DPY19L3: variants seen among roughly 807,000 people sequenced by gnomAD.
The protein encoded by DPY19L3 is dpy-19 like C-mannosyltransferase 3.
In DPY19L3, 51 loss-of-function variants were observed where a neutral mutation model predicts 92.3. The observed-to-expected ratio is 0.55, with a 90% CI of 0.44 to 0.70. The LOEUF (loss-of-function observed/expected upper bound fraction) is 0.70. DPY19L3 is among the 30% of genes least tolerant of loss of function. DPY19L3 has a pLI of 0.00. For missense variants in DPY19L3, 706 were observed against 855.9 expected (o/e 0.82, Z 2.18); for synonymous variants, 309 against 315.2 (o/e 0.98, Z 0.21).
chr19:32,467,508 A>G, intron 15 of DPY19L3: 2 of 987,650 alleles, frequency 2.0e-6, no homozygotes, highest in Non-Finnish European at 2.4e-6. Flanking sequence ...TCCCATCACT[A>G]GCAATTTTCC....
intron 8 of DPY19L3, among the ~76,000 whole-genome samples, chr19:32,442,531 T>A (rs766134337): frequency 3.3e-5 from 5 of 151,890 alleles, no homozygotes; most frequent in Non-Finnish European, 5.9e-5. Context: ...TAAGAGGAAT[T>A]TGAGAGGTAG....
intron 18 of DPY19L3, chr19:32,481,495 G>C (rs970286682): frequency 8.5e-5 from 13 of 152,148 alleles, no homozygotes; most frequent in African/African-American, 3.1e-4. Flanking sequence ...GCTTACTGCA[G>C]CCTCAACCTT....
chr19:32,449,163 A>G (rs2145546177), intron 8 of DPY19L3, among the ~76,000 whole-genome samples: 1 of 152,352 alleles, frequency 6.6e-6, no homozygotes, highest in Admixed American at 6.5e-5. Context: ...AAGGATACAA[A>G]CACTTCCTAG....
chr19:32,479,902 C>T (rs1375396246), intron 17 of DPY19L3, among the ~76,000 whole-genome samples: 1 of 152,190 alleles, frequency 6.6e-6, no homozygotes, highest in Non-Finnish European at 1.5e-5. Flanking sequence ...GCCAATGCTG[C>T]CCCAGCCTAG....
intron 8 of DPY19L3, among the ~76,000 whole-genome samples, chr19:32,450,359 A>T (rs968868839): frequency 6.6e-6 from 1 of 152,182 alleles, no homozygotes. Context: ...GAGTTACCAT[A>T]TGATTTAGCA....
chr19:32,445,440 C>CTAAAAAAAA, intron 8 of DPY19L3, among the ~76,000 whole-genome samples: 1 of 42,824 alleles, frequency 2.3e-5, no homozygotes, highest in South Asian at 1.5e-3. Context: ...GACTTCATCT[C>CTAAAAAAAA]AAAAAAAAAA....
chr19:32,425,541 ACT>A (rs1020807019), intron 3 of DPY19L3, among the ~76,000 whole-genome samples: 7 of 151,410 alleles, frequency 4.6e-5, no homozygotes, highest in South Asian at 2.1e-4. Flanking sequence ...ACAGAGCGAG[ACT>A]CTGTCTCAAA....
In DPY19L3 at chr19:32,407,287, C is replaced by T. The variant is rs1320482654; in HGVS notation, c.-37-930C>T. On this transcript the variant is annotated intron_variant, in intron 1 of 18. Coordinates refer to ENST00000392250, the MANE Select transcript of DPY19L3 (RefSeq NM_001172774.2). ...GCTCCCCCCCACCCATTACTCCCAC[C>T]GACGCTCCCTGGGATAGCAGCTGCC... is the stretch of plus-strand genomic sequence containing the variant. 1.4e-5 allele frequency among the ~76,000 whole-genome samples: 2 copies of T among 145,986 alleles called. 1 individual carries two copies. Among genetic ancestry groups the T allele is most frequent in the Non-Finnish European group, 3.0e-5 (2 of 66,006 alleles).
intron 3 of DPY19L3, chr19:32,412,711 C>T (rs923046290): frequency 2.6e-5 from 4 of 152,152 alleles, no homozygotes; most frequent in African/African-American, 9.7e-5. Flanking sequence ...GGGCAGATCA[C>T]TTGAAGTCAG....
chr19:32,456,895 T>C (rs994673612), intron 10 of DPY19L3, among the ~76,000 whole-genome samples: 3 of 152,158 alleles, frequency 2.0e-5, no homozygotes, highest in Non-Finnish European at 4.4e-5. Flanking sequence ...GTGTGGTGGC[T>C]TATGCCTGTA....
intron 2 of DPY19L3, 84 bp from the exon 3 acceptor site, chr19:32,411,155 G>C: frequency 1.4e-6 from 2 of 1,428,788 alleles, no homozygotes; most frequent in East Asian, 2.3e-5. Flanking sequence ...GCTAGACTTA[G>C]CTTACTTGAT....
At chr19:32,424,345 A>T (rs117560388) in intron 3 of DPY19L3, among the ~76,000 whole-genome samples, 4,787 of 151,934 alleles carry the variant, frequency 0.032, 96 homozygotes, top group Middle Eastern at 0.088. Flanking sequence ...AATAAATAAA[A>T]AAAAATGGAT....
chr19:32,439,668 G>A, intron 7 of DPY19L3, 108 bp from the exon 8 acceptor site: 1 of 1,145,138 alleles, frequency 8.7e-7, no homozygotes, highest in Non-Finnish European at 1.2e-6. Context: ...ACAGTTTATG[G>A]TTTTTCTGTT....
intron 3 of DPY19L3, 178 bp downstream of exon 3, chr19:32,411,550 T>C: frequency 2.1e-6 from 1 of 476,998 alleles, no homozygotes; most frequent in Non-Finnish European, 3.5e-6. Context: ...TATTAGAATC[T>C]TTTTTTAAAT....
chr19:32,451,142 C>T (rs1020801194), intron 8 of DPY19L3, among the ~76,000 whole-genome samples: 5 of 152,082 alleles, frequency 3.3e-5, no homozygotes, highest in African/African-American at 1.2e-4. Context: ...CCAGAAACAC[C>T]TAAATGGTCC....
intron 4 of DPY19L3, among the ~76,000 whole-genome samples, chr19:32,434,778 C>G (rs771541920): frequency 7.2e-5 from 11 of 152,248 alleles, no homozygotes; most frequent in Non-Finnish European, 1.6e-4. Flanking sequence ...GCCACATGGT[C>G]AGGTTCTAGG....
At chr19:32,445,455 A>AAAAAAAAAAAAAAAAC (rs1050167060) in intron 8 of DPY19L3, among the ~76,000 whole-genome samples, 1 of 149,474 alleles carries the variant, frequency 6.7e-6, no homozygotes, top group African/African-American at 2.5e-5. Context: ...AAAAAAAAAA[A>AAAAAAAAAAAAAAAAC]AAAAAACCAT....
At chr19:32,444,543 A>G (rs1228547913) in intron 8 of DPY19L3, among the ~76,000 whole-genome samples, 1 of 152,232 alleles carries the variant, frequency 6.6e-6, no homozygotes, top group Non-Finnish European at 1.5e-5. Flanking sequence ...AGCTGAAAAA[A>G]GTATGCAAAG....
At chr19:32,467,275 T>C (rs1056506507) in intron 15 of DPY19L3, among the ~76,000 whole-genome samples, 2 of 152,212 alleles carry the variant, frequency 1.3e-5, no homozygotes, top group Admixed American at 6.5e-5. Flanking sequence ...TTAATAACAG[T>C]AACTTTCAAA....
Sources: gnomAD v4.1 joint callset for allele counts (sites outside exome capture counted in the v4.1 genomes callset) on GRCh38, gnomAD v4.1.1 for gene constraint, MANE v1.5 for transcripts, NCBI Gene and HGNC (gene_info 2026-07-23, HGNC 2026-07-21) for gene names.